Variants in CACNA2D1 observed in about 807,000 individuals in gnomAD.
The protein encoded by CACNA2D1 is voltage-dependent calcium channel subunit alpha-2/delta-1.
In CACNA2D1, 53 loss-of-function variants were observed where a neutral mutation model predicts 171.5. The ratio of observed to expected loss-of-function variants is 0.31; its 90% CI spans 0.25 to 0.39. CACNA2D1 has a LOEUF of 0.39. Ranked by LOEUF, CACNA2D1 falls within the 10% of genes least tolerant of loss-of-function variation. The pLI is 1.00. For synonymous variants in CACNA2D1, 442 were observed against 443.1 expected, an observed-to-expected ratio of 1.00 and a Z score of 0.03; for missense variants, 903 against 1,299.8, an observed-to-expected ratio of 0.69 and a Z score of 4.69.
At chr7:81,994,672 G>A (rs1279183978) in intron 20 of CACNA2D1, among the ~76,000 whole-genome samples, 196 bp downstream of exon 20, 2 of 151,708 alleles carry the variant, frequency 1.3e-5, no homozygotes, top group Non-Finnish European at 2.9e-5. Context: ...TTTATAAAAA[G>A]AAAAAGAGGG....
rs994756539 is a variant in CACNA2D1, at chr7:82,084,630, T to G, written c.658+139A>C. Reference sequence around the variant, plus strand: ...AGTGACTGTGGTCAATCCAAAGCCATGTAAAGAGGAATGTTCTTTCCTTAT... The same window carrying G: ...AGTGACTGTGGTCAATCCAAAGCCAGGTAAAGAGGAATGTTCTTTCCTTAT... On this transcript the variant is annotated intron_variant, in intron 7 of 38. Transcript: ENST00000356860. The G allele has an allele frequency of 5.0e-6, 5 of 999,060 alleles. No individual in the cohort carries two copies. The African/African-American group carries it at 6.4e-5, about 13-fold the overall frequency. 61.9% of individuals were successfully genotyped at this position (999,060 alleles called of 1,614,324 possible).
At chr7:82,313,010 A>G (rs1814667483) in intron 3 of CACNA2D1, among the ~76,000 whole-genome samples, 1 of 152,178 alleles carries the variant, frequency 6.6e-6, no homozygotes, top group African/African-American at 2.4e-5. Context: ...AGTGCATCGT[A>G]TGTACAGTCC....
rs1028320976 is a variant in CACNA2D1 at position 81,947,428 on chromosome 7, C to G, written c.*2964G>C. 2 of 151,640 alleles carry G rather than the reference C, an allele frequency of 1.3e-5. No homozygotes were observed. Among genetic ancestry groups the G allele is most frequent in the African/African-American group, 2.4e-5 (1 of 41,346 alleles). 9.4% of individuals were successfully genotyped at this position (151,640 alleles called of 1,614,324 possible). On this transcript the variant is annotated 3_prime_UTR_variant, in exon 39 of 39. Transcript: ENST00000356860. ...TAGGCCCAGGACCTAAAAATCTCTT[C>G]AATCAAACTTGCTAACTATGTCATG...
chr7:82,053,201 G>A (rs1006054061), intron 10 of CACNA2D1, among the ~76,000 whole-genome samples: 11 of 146,786 alleles, frequency 7.5e-5, no homozygotes, highest in African/African-American at 2.3e-4. Flanking sequence ...GCAGTGAGCC[G>A]AGATGGCGCC....
At chr7:82,064,538 A>G (rs944211538) in intron 8 of CACNA2D1, among the ~76,000 whole-genome samples, 184 bp from the exon 9 acceptor site, 3 of 152,168 alleles carry the variant, frequency 2.0e-5, no homozygotes, top group African/African-American at 7.2e-5. Context: ...AGCAATATCC[A>G]ATATAACAAT....
intron 10 of CACNA2D1, among the ~76,000 whole-genome samples, chr7:82,050,128 A>T (rs1047362590): frequency 9.8e-5 from 15 of 152,312 alleles, no homozygotes; most frequent in African/African-American, 3.6e-4. Flanking sequence ...CTGAAATTTA[A>T]AGCACATAGG....
chr7:82,111,803 A>G (rs1352850977), intron 6 of CACNA2D1, among the ~76,000 whole-genome samples: 1 of 152,084 alleles, frequency 6.6e-6, no homozygotes, highest in Non-Finnish European at 1.5e-5. Context: ...TATAATTACA[A>G]AATAGATATT....
At chr7:82,167,612 G>A (rs1481802112) in intron 4 of CACNA2D1, among the ~76,000 whole-genome samples, 1 of 152,108 alleles carries the variant, frequency 6.6e-6, no homozygotes, top group Non-Finnish European at 1.5e-5. Flanking sequence ...TAAAGACTAT[G>A]TATGGCTGCC....
At chr7:81,974,918 G>A (rs756412172) in intron 24 of CACNA2D1, among the ~76,000 whole-genome samples, 1 of 151,924 alleles carries the variant, frequency 6.6e-6, no homozygotes, top group Non-Finnish European at 1.5e-5. Flanking sequence ...TAATGCATGC[G>A]GGGTTTAAAA....
chr7:82,036,840 T>C (rs1471556740), intron 11 of CACNA2D1, among the ~76,000 whole-genome samples: 1 of 152,196 alleles, frequency 6.6e-6, no homozygotes, highest in Non-Finnish European at 1.5e-5. Flanking sequence ...TCAGCAAATA[T>C]TAACAGACAT....
At chr7:82,062,213 A>G (rs1807019688) in intron 9 of CACNA2D1, among the ~76,000 whole-genome samples, 1 of 152,172 alleles carries the variant, frequency 6.6e-6, no homozygotes. Flanking sequence ...CAGCCTGTGA[A>G]GCTAGAAACA....
intron 11 of CACNA2D1, among the ~76,000 whole-genome samples, chr7:82,037,043 G>C (rs975787838): frequency 2.6e-5 from 4 of 152,170 alleles, no homozygotes; most frequent in African/African-American, 9.7e-5. Flanking sequence ...AAGGTGCAGA[G>C]AAGTAAGGTT....
chr7:82,243,443 A>T (rs1804549849), intron 3 of CACNA2D1, among the ~76,000 whole-genome samples: 1 of 152,234 alleles, frequency 6.6e-6, no homozygotes, highest in Non-Finnish European at 1.5e-5. Context: ...TCTACAATAG[A>T]GACACAAAAT....
At chr7:81,958,839 TA>T (rs1217787303) in intron 38 of CACNA2D1, among the ~76,000 whole-genome samples, 1 of 151,974 alleles carries the variant, frequency 6.6e-6, no homozygotes, top group African/African-American at 2.4e-5. Context: ...AATGGCTGTA[TA>T]ACAGGTTTTT....
Position 81,964,378 on chromosome 7 carries a change from A to G in CACNA2D1, c.2575-19T>C. On this transcript the variant is annotated intron_variant, in intron 32 of 38. Coordinates refer to ENST00000356860, the MANE Select transcript of CACNA2D1 (RefSeq NM_000722.4). Reference sequence around the variant, plus strand: ...TTCCAATCTGGTGAAGAAAAAAATCATAAAGCAACGTGCACTTAAAATGTA... The same window carrying G: ...TTCCAATCTGGTGAAGAAAAAAATCGTAAAGCAACGTGCACTTAAAATGTA... 1.2e-6 allele frequency: 2 copies of G among 1,608,428 alleles called. No individual in the cohort carries two copies. Among genetic ancestry groups the G allele is most frequent in the Non-Finnish European group, 1.7e-6 (2 of 1,176,548 alleles).
intron 10 of CACNA2D1, among the ~76,000 whole-genome samples, chr7:82,054,307 T>C (rs1805549105): frequency 6.6e-6 from 1 of 152,208 alleles, no homozygotes; most frequent in African/African-American, 2.4e-5. Context: ...AACCCAACTT[T>C]TAACTGCCTG....
chr7:82,234,403 G>A (rs1423677157), intron 3 of CACNA2D1, among the ~76,000 whole-genome samples: 2 of 151,894 alleles, frequency 1.3e-5, no homozygotes, highest in East Asian at 1.9e-4. Flanking sequence ...TGTCACAGAG[G>A]GTAGGGTAAG....
chr7:82,104,586 T>G (rs1373544947), intron 6 of CACNA2D1, among the ~76,000 whole-genome samples: 2 of 152,050 alleles, frequency 1.3e-5, no homozygotes, highest in Non-Finnish European at 2.9e-5. Context: ...TTCTTACCCC[T>G]TATTTTTGGA....
chr7:82,034,234 G>T (rs1412517225), intron 11 of CACNA2D1, among the ~76,000 whole-genome samples: 1 of 151,960 alleles, frequency 6.6e-6, no homozygotes, highest in East Asian at 1.9e-4. Context: ...TGTACAGCAT[G>T]GCACAGCCCT....
Sources: gnomAD v4.1 joint callset for allele counts (sites outside exome capture counted in the v4.1 genomes callset) on GRCh38, gnomAD v4.1.1 for gene constraint, MANE v1.5 for transcripts, NCBI Gene and HGNC (gene_info 2026-07-23, HGNC 2026-07-21) for gene names.